Variants in PTPRR observed in about 807,000 individuals in gnomAD.
PTPRR encodes the protein protein tyrosine phosphatase receptor type R.
A neutral mutation model predicts 77.2 loss-of-function variants in PTPRR; 38 were observed. That is an observed-to-expected ratio of 0.49 (90% CI 0.38 to 0.65). PTPRR has a LOEUF of 0.65. PTPRR is among the 30% of genes least tolerant of loss of function. PTPRR has a pLI of 0.00. For synonymous variants in PTPRR, 299 were observed against 283.1 expected, an observed-to-expected ratio of 1.06 and a Z score of -0.57; for missense variants, 744 against 799.2, an observed-to-expected ratio of 0.93 and a Z score of 0.83.
intron 2 of PTPRR, among the ~76,000 whole-genome samples, chr12:70,885,871 C>T (rs1893232563): frequency 6.6e-6 from 1 of 152,088 alleles, no homozygotes; most frequent in Admixed American, 6.6e-5. Context: ...CTTATCTAAA[C>T]TTTCTAAATA....
chr12:70,750,024 A>G (rs117768566), intron 5 of PTPRR, among the ~76,000 whole-genome samples: 1 of 152,188 alleles, frequency 6.6e-6, no homozygotes. Context: ...AGTTGCCCAC[A>G]CATTTTTTCT....
intron 6 of PTPRR, among the ~76,000 whole-genome samples, chr12:70,722,827 G>A (rs2136853650): frequency 6.6e-6 from 1 of 152,224 alleles, no homozygotes; most frequent in East Asian, 1.9e-4. Flanking sequence ...TAAGCCACCC[G>A]CCGTCATAAA....
chr12:70,714,840 C>T (rs1888960583), intron 6 of PTPRR, among the ~76,000 whole-genome samples: 3 of 152,016 alleles, frequency 2.0e-5, no homozygotes, highest in Admixed American at 6.6e-5. Flanking sequence ...CAAAAATTCG[C>T]TGGGCATGGT....
chr12:70,688,619 A>G (rs1195058926), intron 8 of PTPRR, among the ~76,000 whole-genome samples: 3 of 152,188 alleles, frequency 2.0e-5, no homozygotes, highest in Non-Finnish European at 2.9e-5. Flanking sequence ...GCCATTTTGG[A>G]AAACAGTATG....
At chr12:70,785,911 C>G (rs1194860639) in intron 2 of PTPRR, among the ~76,000 whole-genome samples, 2 of 152,164 alleles carry the variant, frequency 1.3e-5, no homozygotes, top group African/African-American at 2.4e-5. Flanking sequence ...ACCTTCCACT[C>G]CCCTGATTAT....
chr12:70,685,645 G>T (rs753793456), intron 8 of PTPRR, among the ~76,000 whole-genome samples: 4 of 151,914 alleles, frequency 2.6e-5, no homozygotes, highest in Non-Finnish European at 5.9e-5. Context: ...GGGAGAGCCT[G>T]TCTCAAAAAC....
At chr12:70,715,021 A>G (rs1888969156) in intron 6 of PTPRR, among the ~76,000 whole-genome samples, 1 of 138,034 alleles carries the variant, frequency 7.2e-6, no homozygotes, top group Admixed American at 7.6e-5. Flanking sequence ...GTATGCCAAA[A>G]TAATTTTTTT....
intron 2 of PTPRR, among the ~76,000 whole-genome samples, chr12:70,860,604 C>T (rs543887059): frequency 6.6e-6 from 1 of 152,160 alleles, no homozygotes; most frequent in African/African-American, 2.4e-5. Context: ...TGTGAAAATC[C>T]CACAATAAGG....
At chr12:70,676,054 A>G (rs1230732048) in intron 10 of PTPRR, among the ~76,000 whole-genome samples, 8 of 151,690 alleles carry the variant, frequency 5.3e-5, no homozygotes, top group African/African-American at 1.9e-4. Context: ...GTTTTGGAAA[A>G]TCCCTATCTA....
intron 2 of PTPRR, among the ~76,000 whole-genome samples, chr12:70,827,136 C>T (rs1892123615): frequency 6.6e-6 from 1 of 152,208 alleles, no homozygotes; most frequent in African/African-American, 2.4e-5. Flanking sequence ...ATATCACCTT[C>T]ATGGCATTTA....
At chr12:70,673,410 AC>A (rs1887320319) in intron 10 of PTPRR, among the ~76,000 whole-genome samples, 1 of 152,258 alleles carries the variant, frequency 6.6e-6, no homozygotes, top group Non-Finnish European at 1.5e-5. Context: ...TGTATCTTAC[AC>A]AGTTATTACA....
In PTPRR at chr12:70,698,278, C is replaced by G; in HGVS notation, c.1266G>C (p.Lys422Asn). The change falls in exon 8 of 14, where the codon AAG (lysine) becomes AAC (asparagine). Residue 422 changes from lysine (K) to asparagine (N), a missense_variant. Around this residue, in one of 3 missense-constraint regions of PTPRR, gnomAD observed 570 missense variants for 573.2 expected, o/e 0.99. Coordinates refer to ENST00000283228, the MANE Select transcript of PTPRR (RefSeq NM_002849.4). ...CAAGAAGCTTACTTGGTAAAATGGT[C>G]TTATAGCGATTTTTAGTTCCATGAC... ...IPRHGTKNRY[K>N]TILPNPLSRV... 1 of 1,612,906 alleles carries G rather than the reference C, an allele frequency of 6.2e-7. No homozygotes were observed.
intron 2 of PTPRR, among the ~76,000 whole-genome samples, chr12:70,827,709 CTTTTTTTTTTTTT>C (rs869285373): frequency 4.7e-5 from 3 of 63,870 alleles, no homozygotes; most frequent in South Asian, 4.6e-4. Flanking sequence ...CCACACCTGG[CTTTTTTTTTTTTT>C]TTTTTTTTTT....
chr12:70,811,474 G>C (rs1394415002), intron 2 of PTPRR, among the ~76,000 whole-genome samples: 3 of 152,150 alleles, frequency 2.0e-5, no homozygotes, highest in African/African-American at 7.2e-5. Context: ...AAAAGCAAAT[G>C]CTATAGCTCT....
chr12:70,851,367 G>T (rs533645803), intron 2 of PTPRR, among the ~76,000 whole-genome samples: 25 of 152,254 alleles, frequency 1.6e-4, no homozygotes, highest in African/African-American at 5.1e-4. Context: ...CAAACCAAGA[G>T]ATGGGAAAAG....
intron 6 of PTPRR, among the ~76,000 whole-genome samples, chr12:70,739,081 A>T: frequency 6.6e-6 from 1 of 152,218 alleles, no homozygotes. Context: ...TACAAATAGG[A>T]TGAACAAAAC....
intron 2 of PTPRR, among the ~76,000 whole-genome samples, chr12:70,782,917 AC>A (rs1234595637): frequency 1.3e-5 from 2 of 152,230 alleles, no homozygotes; most frequent in African/African-American, 4.8e-5. Context: ...TTGGGTTCAA[AC>A]CTGGGTTGAG....
chr12:70,894,930 T>C (rs776242833), intron 1 of PTPRR, among the ~76,000 whole-genome samples: 3 of 151,748 alleles, frequency 2.0e-5, no homozygotes, highest in Non-Finnish European at 4.4e-5. Flanking sequence ...TGATGATTAG[T>C]TTCCATTACT....
intron 2 of PTPRR, among the ~76,000 whole-genome samples, chr12:70,783,885 G>A (rs1344599758): frequency 7.4e-6 from 1 of 134,658 alleles, no homozygotes; most frequent in Non-Finnish European, 1.6e-5. Context: ...GCGGGGGGCG[G>A]GGGTTGGCAC....
Sources: gnomAD v4.1 joint callset for allele counts (sites outside exome capture counted in the v4.1 genomes callset) on GRCh38, gnomAD v4.1.1 for gene constraint, gnomAD v4.1.1 regional missense constraint, MANE v1.5 for transcripts, NCBI Gene and HGNC (gene_info 2026-07-23, HGNC 2026-07-21) for gene names.